Variants in CEP128 observed in about 807,000 individuals in gnomAD.
CEP128 encodes centrosomal protein 128, also known as centrosomal protein 128kDa.
Under a neutral mutation model 156.7 loss-of-function variants are expected in CEP128, and 132 were observed. The ratio of observed to expected loss-of-function variants is 0.84; its 90% CI spans 0.73 to 0.97. The LOEUF is 0.97. Among genes scored for constraint, CEP128 ranks in the 50% least tolerant of loss-of-function variants. The pLI is 0.00. For missense variants in CEP128, 1,252 were observed against 1,281.9 expected, an observed-to-expected ratio of 0.98 and a Z score of 0.36; for synonymous variants, 469 against 448.9, an observed-to-expected ratio of 1.04 and a Z score of -0.57.
chr14:80,836,693 T>C (rs1434690374), intron 11 of CEP128, among the ~76,000 whole-genome samples: 1 of 152,228 alleles, frequency 6.6e-6, no homozygotes, highest in Non-Finnish European at 1.5e-5. Flanking sequence ...CATGGTCTAT[T>C]GGTTGTTAAA....
intron 2 of CEP128, among the ~76,000 whole-genome samples, chr14:80,933,885 G>C (rs914137878): frequency 6.6e-6 from 1 of 152,210 alleles, no homozygotes; most frequent in Non-Finnish European, 1.5e-5. Flanking sequence ...GTCTGCATAT[G>C]TGAAGAAAGA....
intron 16 of CEP128, among the ~76,000 whole-genome samples, chr14:80,764,728 G>A (rs1457158147): frequency 6.6e-6 from 1 of 152,122 alleles, no homozygotes; most frequent in African/African-American, 2.4e-5. Context: ...GAACACAAGT[G>A]TCAAGGAACA....
intron 19 of CEP128, among the ~76,000 whole-genome samples, chr14:80,674,547 C>T (rs1021728632): frequency 2.0e-4 from 30 of 151,998 alleles, no homozygotes; most frequent in African/African-American, 6.8e-4. Context: ...ATTTTCTTCT[C>T]CTTATAAGAA....
At chr14:80,815,861 C>T (rs184876706) in intron 13 of CEP128, among the ~76,000 whole-genome samples, 154 of 152,128 alleles carry the variant, frequency 1.0e-3, no homozygotes, top group Non-Finnish European at 2.0e-3. Context: ...CTCATTTATA[C>T]GTGGAAGGTA....
intron 13 of CEP128, 111 bp from the exon 14 acceptor site, chr14:80,793,221 T>A: frequency 1.3e-6 from 1 of 747,446 alleles, no homozygotes; most frequent in Non-Finnish European, 2.1e-6. Flanking sequence ...TCATCTGTAT[T>A]AAAATTCATT....
At chr14:80,533,208 A>G (rs1018104111) in intron 21 of CEP128, among the ~76,000 whole-genome samples, 3 of 152,146 alleles carry the variant, frequency 2.0e-5, no homozygotes, top group Admixed American at 2.0e-4. Context: ...GAATTTATTG[A>G]CTCTTGAACA....
intron 24 of CEP128, among the ~76,000 whole-genome samples, chr14:80,498,672 G>A (rs761461425): frequency 1.1e-4 from 17 of 152,192 alleles, no homozygotes; most frequent in Non-Finnish European, 2.1e-4. Context: ...ATCTAAAGGA[G>A]TGCTCCTGTT....
intron 16 of CEP128, among the ~76,000 whole-genome samples, chr14:80,774,807 C>T (rs2139754685): frequency 6.6e-6 from 1 of 152,310 alleles, no homozygotes; most frequent in East Asian, 1.9e-4. Context: ...GTTTGGTTTG[C>T]TTAACACATG....
intron 19 of CEP128, among the ~76,000 whole-genome samples, chr14:80,725,798 A>T (rs2139488300): frequency 6.6e-6 from 1 of 152,348 alleles, no homozygotes; most frequent in East Asian, 1.9e-4. Context: ...CTAATTAATT[A>T]ATTTATATGG....
In CEP128 at chr14:80,840,752, T is replaced by A; in HGVS notation, c.779A>T (p.Glu260Val). The change falls in exon 10 of 25, where the codon GAA becomes GTA. Residue 260 changes from glutamate to valine, a missense_variant. Coordinates refer to ENST00000555265, the MANE Select transcript of CEP128 (RefSeq NM_152446.5). Reference sequence around the variant, plus strand: ...CCCCTCATGCTCATCTGCTTTAGCTTCTTGTTTCTTTAGTGCCTGGAATGA... The same window carrying A: ...CCCCTCATGCTCATCTGCTTTAGCTACTTGTTTCTTTAGTGCCTGGAATGA... ...LQLQEALKKQ[E>V]AKADEHEGAI... The A allele has an allele frequency of 1.2e-6, 2 of 1,609,750 alleles. No homozygotes were observed. Among genetic ancestry groups the A allele is most frequent in the Non-Finnish European group, 1.7e-6 (2 of 1,177,202 alleles).
At chr14:80,567,016 C>A (rs1315060647) in intron 20 of CEP128, among the ~76,000 whole-genome samples, 2 of 152,120 alleles carry the variant, frequency 1.3e-5, no homozygotes, top group Admixed American at 6.6e-5. Context: ...TGATTTTCAA[C>A]CTGGGTGTGG....
At chr14:80,624,437 TACTC>T (rs1172677831) in intron 19 of CEP128, among the ~76,000 whole-genome samples, 3 of 152,188 alleles carry the variant, frequency 2.0e-5, no homozygotes, top group Non-Finnish European at 2.9e-5. Flanking sequence ...TCTGGATAAA[TACTC>T]AGTAGTGGGA....
At chr14:80,676,920 A>G (rs1002863885) in intron 19 of CEP128, among the ~76,000 whole-genome samples, 37 of 152,154 alleles carry the variant, frequency 2.4e-4, no homozygotes, top group African/African-American at 8.9e-4. Flanking sequence ...AGATATTTAC[A>G]TTTATGATTG....
intron 12 of CEP128, among the ~76,000 whole-genome samples, chr14:80,834,354 C>A (rs1885965644): frequency 6.6e-6 from 1 of 152,074 alleles, no homozygotes. Flanking sequence ...GCAACGACAT[C>A]CTTGGAATTG....
intron 19 of CEP128, among the ~76,000 whole-genome samples, chr14:80,668,853 G>A (rs1381165928): frequency 6.6e-6 from 1 of 152,124 alleles, no homozygotes; most frequent in Non-Finnish European, 1.5e-5. Context: ...CTGTTCTCAT[G>A]ATAATGAATA....
At chr14:80,605,381 G>C (rs2140552678) in intron 19 of CEP128, among the ~76,000 whole-genome samples, 1 of 152,002 alleles carries the variant, frequency 6.6e-6, no homozygotes, top group African/African-American at 2.4e-5. Flanking sequence ...TTTGTTGTTA[G>C]GACTGTTTAT....
intron 6 of CEP128, among the ~76,000 whole-genome samples, chr14:80,904,337 G>A (rs917003691): frequency 1.3e-5 from 2 of 152,056 alleles, no homozygotes; most frequent in Non-Finnish European, 2.9e-5. Context: ...GAGGGTGGCG[G>A]GGAGAGGGGG....
At chr14:80,745,953 A>G (rs968382598) in intron 18 of CEP128, among the ~76,000 whole-genome samples, 5 of 152,086 alleles carry the variant, frequency 3.3e-5, no homozygotes, top group African/African-American at 1.2e-4. Flanking sequence ...CTATATATTA[A>G]TATTTGCAAT....
intron 6 of CEP128, among the ~76,000 whole-genome samples, chr14:80,900,928 CG>C (rs1346764937): frequency 6.6e-6 from 1 of 151,766 alleles, no homozygotes; most frequent in Admixed American, 6.6e-5. Context: ...TTGGGGTGGC[CG>C]GGCGCGGTGG....
Sources: allele counts gnomAD v4.1 joint callset (sites outside exome capture counted in the v4.1 genomes callset), GRCh38; gene constraint gnomAD v4.1.1; transcripts MANE v1.5; gene names NCBI Gene and HGNC (gene_info 2026-07-23, HGNC 2026-07-21).